The following JCAD variants were observed in gnomAD, a reference collection of about 807,000 sequenced individuals.
The protein encoded by JCAD is junctional cadherin 5 associated.
A neutral mutation model predicts 98.0 loss-of-function variants in JCAD; 40 were observed. The observed-to-expected ratio is 0.41, with a 90% CI of 0.32 to 0.53. The LOEUF (loss-of-function observed/expected upper bound fraction) is 0.53. Among genes scored for constraint, JCAD ranks in the 20% least tolerant of loss-of-function variants. The pLI, the probability that JCAD is intolerant of heterozygous loss-of-function variation, is 0.31. For missense variants in JCAD, 1,705 were observed against 1,738.1 expected (o/e 0.98, Z 0.34); for synonymous variants, 691 against 682.3 (o/e 1.01, Z -0.20).
intron 1 of JCAD, among the ~76,000 whole-genome samples, chr10:30,077,724 G>T (rs1345885283): frequency 1.3e-5 from 2 of 152,042 alleles, no homozygotes; most frequent in Admixed American, 6.6e-5. Context: ...TGTTTTCAAG[G>T]TTCATTCATG....
In JCAD at chr10:30,027,289, A is replaced by T; in HGVS notation, c.2859T>A (p.Ser953Arg). The change falls in exon 3 of 4, where the codon AGT becomes AGA. Residue 953 changes from serine (S) to arginine (R), a missense_variant. By Grantham distance (110) the Ser-to-Arg change is moderately radical (BLOSUM62 -1). This residue lies in a region of JCAD where 1,278 missense variants were observed against 1,243.1 expected (regional missense o/e 1.03). Transcript: ENST00000375377. ...APFCSADGST[S>R]AEKRHLEVSN... The stretch of plus-strand genomic sequence containing the variant: ...TAACCTCCAGGTGTCTCTTCTCTGC[A>T]CTCGTGCTTCCATCTGCTGAGCAGA... 5 of 1,614,048 alleles carry T rather than the reference A, an allele frequency of 3.1e-6. No individual in the cohort carries two copies. The highest frequency in any genetic ancestry group is 3.4e-6 in the Non-Finnish European group (4 of 1,180,022).
At chr10:30,020,766 T>G (rs953450115) in intron 3 of JCAD, among the ~76,000 whole-genome samples, 1 of 152,208 alleles carries the variant, frequency 6.6e-6, no homozygotes, top group African/African-American at 2.4e-5. Flanking sequence ...AGTGTTCACA[T>G]TCTGAGAGGG....
chr10:30,039,569 T>C (rs962851393), intron 2 of JCAD, among the ~76,000 whole-genome samples: 2 of 152,068 alleles, frequency 1.3e-5, no homozygotes, highest in East Asian at 1.9e-4. Flanking sequence ...TGGAGAAAAA[T>C]AGGCTGAGAA....
chr10:30,025,765 TG>T (rs1221794374), intron 3 of JCAD, among the ~76,000 whole-genome samples: 1 of 151,670 alleles, frequency 6.6e-6, no homozygotes, highest in African/African-American at 2.4e-5. Flanking sequence ...GGTGCATGCC[TG>T]TGGCCCCAGC....
At chr10:30,078,922 A>C (rs1838027562) in intron 1 of JCAD, among the ~76,000 whole-genome samples, 1 of 152,106 alleles carries the variant, frequency 6.6e-6, no homozygotes, top group Admixed American at 6.5e-5. Flanking sequence ...TGAAGCTGGG[A>C]GCTTCATTTG....
At position 30,026,154 on chromosome 10, in the gene JCAD, G is replaced by A; in HGVS notation, c.3994C>T (p.His1332Tyr). 6.2e-7 allele frequency: 1 copy of A among 1,614,186 alleles called. No homozygotes were observed. The highest frequency in any genetic ancestry group is 8.5e-7 in the Non-Finnish European group (1 of 1,180,048). Reference protein sequence around the residue: ...KDSISREEKEHPAAQKEKSMD... With the variant: ...KDSISREEKEYPAAQKEKSMD... ...CTCTTCTCCTTTTGTGCTGCCGGAT[G>A]CTCCTTCTCTTCCCTGGAGATGCTG... is the stretch of plus-strand genomic sequence containing the variant. The change falls in exon 3 of 4, where the codon CAT becomes TAT. Residue 1332 changes from histidine to tyrosine, a missense_variant. By Grantham distance (83) the His-to-Tyr change is moderately conservative (BLOSUM62 2). Transcript: ENST00000375377.
chr10:30,057,063 T>A (rs1837585672), intron 1 of JCAD, among the ~76,000 whole-genome samples: 1 of 152,212 alleles, frequency 6.6e-6, no homozygotes, highest in African/African-American at 2.4e-5. Context: ...AGTAATGGGT[T>A]CAGCAATAGG....
At position 30,047,693 on chromosome 10, in the gene JCAD, G is replaced by A; in HGVS notation, c.120C>T (p.Gly40=). The change falls in exon 2 of 4, where the codon GGC becomes GGT. Residue 40 remains glycine (G), a synonymous_variant. Coordinates refer to ENST00000375377, the MANE Select transcript of JCAD (RefSeq NM_020848.4). The part of the protein sequence containing the change: ...RQAARTGTRA[G]QGLQNGHEDG... ...CCTCATGCCCGTTCTGCAGGCCCTG[G>A]CCTGCTCGTGTCCCAGTCCTCGCTG... The A allele has an allele frequency of 5.0e-6, 8 of 1,614,242 alleles. No individual in the cohort carries two copies. The highest frequency in any genetic ancestry group is 5.9e-6 in the Non-Finnish European group (7 of 1,180,042).
intron 1 of JCAD, among the ~76,000 whole-genome samples, chr10:30,092,181 T>TAAAAACA (rs1214032237): frequency 1.4e-5 from 2 of 143,702 alleles, no homozygotes; most frequent in East Asian, 4.1e-4. Context: ...ACTTTAGGTC[T>TAAAAACA]AAAAACAAAG....
At chr10:30,038,441 T>C (rs1237352803) in intron 2 of JCAD, among the ~76,000 whole-genome samples, 1 of 151,970 alleles carries the variant, frequency 6.6e-6, no homozygotes, top group African/African-American at 2.4e-5. Context: ...CCCAGCACTT[T>C]GAGACGCTGA....
chr10:30,053,846 C>A (rs1048346198), intron 1 of JCAD, among the ~76,000 whole-genome samples: 3 of 151,886 alleles, frequency 2.0e-5, no homozygotes, highest in Non-Finnish European at 4.4e-5. Context: ...GCAGACCACC[C>A]GAGGTCAGGA....
chr10:30,076,052 C>A (rs1331264132), intron 1 of JCAD, among the ~76,000 whole-genome samples: 1 of 151,230 alleles, frequency 6.6e-6, no homozygotes, highest in Admixed American at 6.6e-5. Context: ...GAGACAGAGT[C>A]TCATTCTGTC....
At chr10:30,048,030 A>C (rs1174679604) in intron 1 of JCAD, among the ~76,000 whole-genome samples, 159 bp from the exon 2 acceptor site, 2 of 152,194 alleles carry the variant, frequency 1.3e-5, no homozygotes, top group Non-Finnish European at 2.9e-5. Context: ...TCTGCCTGAA[A>C]TTACTCTCCA....
chr10:30,091,637 G>C (rs1369068669), intron 1 of JCAD, among the ~76,000 whole-genome samples: 1 of 150,850 alleles, frequency 6.6e-6, no homozygotes, highest in African/African-American at 2.4e-5. Flanking sequence ...AAATAAGACA[G>C]GCAAAATACT....
intron 1 of JCAD, among the ~76,000 whole-genome samples, chr10:30,108,527 A>G (rs17295031): frequency 0.25 from 38,229 of 152,048 alleles, 5,227 homozygotes; most frequent in East Asian, 0.34. Context: ...ACACACTCAG[A>G]GTGAGGGGCT....
chr10:30,103,620 A>C (rs1439109101), intron 1 of JCAD, among the ~76,000 whole-genome samples: 1 of 151,684 alleles, frequency 6.6e-6, no homozygotes, highest in Admixed American at 6.6e-5. Flanking sequence ...AAATACACAC[A>C]CACACACACA....
intron 3 of JCAD, among the ~76,000 whole-genome samples, chr10:30,019,804 G>A (rs1482853773): frequency 6.6e-6 from 1 of 152,048 alleles, no homozygotes; most frequent in Non-Finnish European, 1.5e-5. Context: ...AACTATGAGA[G>A]AAGATGACTA....
rs1365348244 is a variant in JCAD, at chr10:30,077,980, A to C, written n.129-8159T>G. Among the ~76,000 whole-genome samples, 4 of 152,334 alleles carry C rather than the reference A, an allele frequency of 2.6e-5. No homozygotes were observed. The East Asian group carries it at 7.7e-4, about 29-fold the overall frequency. The stretch of plus-strand genomic sequence containing the variant: ...AATTCTACGTTTAACTTTTTGAGGA[A>C]CTGGCAAACTGTTTTCCATAAGGAC... On this transcript the variant is annotated intron_variant and non_coding_transcript_variant, in intron 1 of 2. Transcript: ENST00000465712.
chr10:30,114,592 A>C (rs112475988), intron 1 of JCAD, among the ~76,000 whole-genome samples: 2 of 151,778 alleles, frequency 1.3e-5, no homozygotes, highest in African/African-American at 4.8e-5. Context: ...AAAAAAAAAA[A>C]AAAAAAAACC....
Sources: allele counts gnomAD v4.1 joint callset (sites outside exome capture counted in the v4.1 genomes callset), GRCh38; gene constraint gnomAD v4.1.1; regional missense constraint gnomAD v4.1.1; transcripts MANE v1.5; gene names NCBI Gene and HGNC (gene_info 2026-07-23, HGNC 2026-07-21).